Variants in PABPC4L observed in about 807,000 individuals in gnomAD.
The protein encoded by PABPC4L is poly(A) binding protein cytoplasmic 4 like, also known as polyadenylate-binding protein 4-like.
For synonymous variants in PABPC4L, 169 were observed against 164.1 expected, an observed-to-expected ratio of 1.03 and a Z score of -0.23; for missense variants, 452 against 451.4, an observed-to-expected ratio of 1.00 and a Z score of -0.01.
chr4:134,017,622 C>T, the PABPC4L span, among the ~76,000 whole-genome samples: 1 of 152,190 alleles, frequency 6.6e-6, no homozygotes, highest in African/African-American at 2.4e-5. Flanking sequence ...TAAGCACTCT[C>T]TAATTAGATG....
At chr4:134,078,057 T>C in the PABPC4L span, among the ~76,000 whole-genome samples, 1 of 152,128 alleles carries the variant, frequency 6.6e-6, no homozygotes, top group Admixed American at 6.5e-5. Flanking sequence ...ATAAAAATAC[T>C]TATCTAAAAC....
chr4:134,084,076 T>C, the PABPC4L span, among the ~76,000 whole-genome samples: 1 of 152,074 alleles, frequency 6.6e-6, no homozygotes, highest in Non-Finnish European at 1.5e-5. Context: ...TGAGACAGGG[T>C]CTTGCTCTGC....
chr4:133,963,316 A>G, the PABPC4L span, among the ~76,000 whole-genome samples: 1 of 152,194 alleles, frequency 6.6e-6, no homozygotes, highest in Non-Finnish European at 1.5e-5. Context: ...ATATGCACCT[A>G]ACACTGGACC....
Position 134,199,852 on chromosome 4 carries a change from A to G in PABPC4L, c.*55T>C, listed in dbSNP as rs2125709394. The G allele has an allele frequency of 2.6e-6, 4 of 1,528,856 alleles. No individual in the cohort carries two copies. The highest frequency in any genetic ancestry group is 2.5e-5 in the South Asian group (2 of 80,840). The allele number at this position is 1,528,856 out of a possible 1,614,324, so 94.7% of individuals were successfully genotyped here. ...ACTGAGGTCAATTCAGGCAGAGATCACTATCATTCTCCCACCTGCTGCAGA... is the reference window on the plus strand; with the variant it reads ...ACTGAGGTCAATTCAGGCAGAGATCGCTATCATTCTCCCACCTGCTGCAGA... On this transcript the variant is annotated 3_prime_UTR_variant, in exon 2 of 2. Coordinates refer to ENST00000421491, the MANE Select transcript of PABPC4L (RefSeq NM_001114734.2).
chr4:134,154,928 C>T, the PABPC4L span, among the ~76,000 whole-genome samples: 4 of 151,982 alleles, frequency 2.6e-5, no homozygotes, highest in Admixed American at 2.6e-4. Context: ...TGATAAAACA[C>T]TATAGCAAAA....
the PABPC4L span, among the ~76,000 whole-genome samples, chr4:134,154,650 T>G: frequency 3.1e-3 from 478 of 152,152 alleles, 2 homozygotes; most frequent in African/African-American, 0.011. Context: ...TTCTCCAGTG[T>G]TGTGTGGTTC....
At chr4:134,081,097 A>G in the PABPC4L span, among the ~76,000 whole-genome samples, 1 of 152,190 alleles carries the variant, frequency 6.6e-6, no homozygotes, top group Non-Finnish European at 1.5e-5. Context: ...TAAAGCCTCA[A>G]ACTGAATTTA....
At chr4:134,095,374 A>G in the PABPC4L span, among the ~76,000 whole-genome samples, 1 of 152,020 alleles carries the variant, frequency 6.6e-6, no homozygotes, top group African/African-American at 2.4e-5. Flanking sequence ...AATACTCACA[A>G]ATAACATTTA....
chr4:134,068,370 T>A, the PABPC4L span, among the ~76,000 whole-genome samples: 6 of 152,188 alleles, frequency 3.9e-5, no homozygotes, highest in African/African-American at 1.4e-4. Context: ...TCCATTTGGT[T>A]GGGAGACTTT....
chr4:134,133,825 A>AT, the PABPC4L span, among the ~76,000 whole-genome samples: 104 of 151,380 alleles, frequency 6.9e-4, no homozygotes, highest in Middle Eastern at 0.01. Context: ...TATTGAAATT[A>AT]TTTTTTTTTA....
the PABPC4L span, among the ~76,000 whole-genome samples, chr4:134,187,116 A>T: frequency 1.3e-5 from 2 of 152,114 alleles, no homozygotes; most frequent in Admixed American, 1.3e-4. Flanking sequence ...TACTTCAACC[A>T]TTGCGGAAGA....
At chr4:133,982,572 AAAGT>A in the PABPC4L span, among the ~76,000 whole-genome samples, 24 of 152,026 alleles carry the variant, frequency 1.6e-4, no homozygotes, top group Admixed American at 1.0e-3. Flanking sequence ...CATTTTAAAG[AAAGT>A]GTTTATTAAT....
the PABPC4L span, among the ~76,000 whole-genome samples, chr4:134,037,820 C>G: frequency 6.6e-6 from 1 of 152,110 alleles, no homozygotes; most frequent in African/African-American, 2.4e-5. Context: ...TTATTTCTTT[C>G]TCTTGCCTGA....
At chr4:134,053,285 C>A in the PABPC4L span, among the ~76,000 whole-genome samples, 1 of 152,116 alleles carries the variant, frequency 6.6e-6, no homozygotes, top group Non-Finnish European at 1.5e-5. Flanking sequence ...CAACTGCAAG[C>A]TATTGATTTG....
chr4:133,986,366 A>G, the PABPC4L span, among the ~76,000 whole-genome samples: 1 of 152,112 alleles, frequency 6.6e-6, no homozygotes, highest in Non-Finnish European at 1.5e-5. Context: ...TATATAAATT[A>G]AGTAAAATGA....
the PABPC4L span, among the ~76,000 whole-genome samples, chr4:134,136,873 C>A: frequency 6.6e-6 from 1 of 152,128 alleles, no homozygotes; most frequent in East Asian, 1.9e-4. Flanking sequence ...ATCCTTCCCA[C>A]TGAGGACAGT....
At chr4:134,089,200 T>G in the PABPC4L span, among the ~76,000 whole-genome samples, 1 of 152,166 alleles carries the variant, frequency 6.6e-6, no homozygotes, top group African/African-American at 2.4e-5. Flanking sequence ...TAAATTTTTA[T>G]TATTTATTTT....
At chr4:134,185,949 C>A in the PABPC4L span, among the ~76,000 whole-genome samples, 2 of 151,956 alleles carry the variant, frequency 1.3e-5, no homozygotes, top group African/African-American at 4.8e-5. Flanking sequence ...GCTACAAAGA[C>A]AATAAAATAC....
At chr4:134,102,231 C>A in the PABPC4L span, among the ~76,000 whole-genome samples, 2 of 151,338 alleles carry the variant, frequency 1.3e-5, no homozygotes, top group East Asian at 2.0e-4. Flanking sequence ...TGATTTCCTG[C>A]AAAATACATG....
Sources: allele counts gnomAD v4.1 joint callset (sites outside exome capture counted in the v4.1 genomes callset), GRCh38; gene constraint gnomAD v4.1.1; transcripts MANE v1.5; gene names NCBI Gene and HGNC (gene_info 2026-07-23, HGNC 2026-07-21).